The following GSK3B variants were observed in gnomAD, a reference collection of about 807,000 sequenced individuals.
GSK3B encodes the protein glycogen synthase kinase 3 beta.
Under a neutral mutation model 56.4 loss-of-function variants are expected in GSK3B, and 15 were observed. That is an observed-to-expected ratio of 0.27 (90% CI 0.18 to 0.41). The LOEUF is 0.41. Among genes scored for constraint, GSK3B ranks in the 10% least tolerant of loss-of-function variants. The pLI, the probability that GSK3B is intolerant of heterozygous loss-of-function variation, is 1.00. For synonymous variants in GSK3B, 181 were observed against 188.9 expected (o/e 0.96, Z 0.34); for missense variants, 300 against 513.4 (o/e 0.58, Z 4.02).
intron 2 of GSK3B, among the ~76,000 whole-genome samples, chr3:119,981,241 G>T (rs535188210): frequency 7.9e-5 from 12 of 152,300 alleles, no homozygotes; most frequent in Admixed American, 2.0e-4. Flanking sequence ...CAAGATGGCC[G>T]AATAGGAACA....
intron 7 of GSK3B, among the ~76,000 whole-genome samples, chr3:119,883,181 T>A (rs1378976867): frequency 6.6e-6 from 1 of 152,144 alleles, no homozygotes; most frequent in Non-Finnish European, 1.5e-5. Flanking sequence ...TACTGTATTT[T>A]AAATCTTAAC....
At chr3:119,881,215 C>G (rs1576170960) in intron 7 of GSK3B, among the ~76,000 whole-genome samples, 1 of 152,134 alleles carries the variant, frequency 6.6e-6, no homozygotes, top group Non-Finnish European at 1.5e-5. Flanking sequence ...TGAATGCACA[C>G]AACATGACTG....
chr3:119,879,884 G>A (rs1208135134), intron 7 of GSK3B, among the ~76,000 whole-genome samples: 1 of 151,988 alleles, frequency 6.6e-6, no homozygotes, highest in Non-Finnish European at 1.5e-5. Flanking sequence ...GAACACTTAG[G>A]TTGCTTCCAA....
chr3:119,865,462 A>ATTTTTT (rs2056167966), intron 8 of GSK3B, among the ~76,000 whole-genome samples: 1 of 27,124 alleles, frequency 3.7e-5, no homozygotes, highest in African/African-American at 1.0e-4. Context: ...ATATATATAT[A>ATTTTTT]TATATTTTTT....
intron 8 of GSK3B, among the ~76,000 whole-genome samples, chr3:119,873,591 T>C (rs2056273661): frequency 1.3e-5 from 2 of 152,138 alleles, no homozygotes. Flanking sequence ...ATTTCTCAAG[T>C]TGCTGTCCAC....
At chr3:119,876,208 C>A (rs977411152) in intron 8 of GSK3B, among the ~76,000 whole-genome samples, 3 of 152,018 alleles carry the variant, frequency 2.0e-5, no homozygotes, top group Admixed American at 6.6e-5. Context: ...AAATAAAAAA[C>A]CAGGCTAGAA....
At chr3:119,962,244 G>A (rs2057278978) in intron 2 of GSK3B, among the ~76,000 whole-genome samples, 1 of 151,964 alleles carries the variant, frequency 6.6e-6, no homozygotes, top group Non-Finnish European at 1.5e-5. Flanking sequence ...GCGTGGTGGT[G>A]CATACCTGTA....
intron 7 of GSK3B, among the ~76,000 whole-genome samples, chr3:119,894,051 C>T (rs1288166819): frequency 6.6e-6 from 1 of 152,058 alleles, no homozygotes; most frequent in African/African-American, 2.4e-5. Context: ...TCATTTCCCC[C>T]AGCTCCCCAG....
intron 1 of GSK3B, among the ~76,000 whole-genome samples, chr3:120,080,863 A>G (rs545665902): frequency 6.6e-6 from 1 of 151,866 alleles, no homozygotes; most frequent in South Asian, 2.1e-4. Flanking sequence ...CAGTTTCACA[A>G]CTCCCCCACA....
rs1266013135 is a variant in GSK3B, at chr3:120,094,051, T to TGGCGGC, written c.-623_-618dup. The TGGCGGC allele has an allele frequency of 1.0e-4, 23 of 220,912 alleles. No individual in the cohort carries two copies. Among genetic ancestry groups the TGGCGGC allele is most frequent in the South Asian group, 2.7e-4 (2 of 7,494 alleles). The allele number at this position is 220,912 out of a possible 1,614,324, so 13.7% of individuals were successfully genotyped here. ...GTCAGTCAGAGGCGGGCGGTGGCGG[T>TGGCGGC]GGCGGCGGCTCCTCTCCTCATTGCG... On this transcript the variant is annotated 5_prime_UTR_variant, in exon 1 of 11. Coordinates refer to ENST00000264235, the MANE Select transcript of GSK3B (RefSeq NM_001146156.2).
chr3:119,983,000 G>A (rs968645573), intron 2 of GSK3B, among the ~76,000 whole-genome samples: 2 of 152,222 alleles, frequency 1.3e-5, no homozygotes, highest in African/African-American at 4.8e-5. Flanking sequence ...CAGACTAACA[G>A]TGGATCTCTC....
intron 1 of GSK3B, among the ~76,000 whole-genome samples, chr3:120,004,891 G>A (rs1326547195): frequency 1.3e-5 from 2 of 152,028 alleles, no homozygotes; most frequent in South Asian, 2.1e-4. Flanking sequence ...ACAACTACTC[G>A]CCAGCAAGGG....
chr3:120,091,115 T>C (rs563998561), intron 1 of GSK3B, among the ~76,000 whole-genome samples: 2 of 152,220 alleles, frequency 1.3e-5, no homozygotes, highest in Non-Finnish European at 2.9e-5. Flanking sequence ...GAACAAATGA[T>C]TCAATTTGTA....
At chr3:120,010,378 G>C (rs1429188875) in intron 1 of GSK3B, among the ~76,000 whole-genome samples, 1 of 152,004 alleles carries the variant, frequency 6.6e-6, no homozygotes, top group Non-Finnish European at 1.5e-5. Flanking sequence ...CCTAAAAACA[G>C]AATCACAGTC....
intron 1 of GSK3B, among the ~76,000 whole-genome samples, chr3:120,053,788 G>C (rs1265323175): frequency 1.3e-5 from 2 of 152,134 alleles, no homozygotes; most frequent in East Asian, 3.8e-4. Flanking sequence ...GGTTTTATAA[G>C]GGGGAGTTTC....
chr3:119,840,845 A>G (rs2055761772), intron 10 of GSK3B, among the ~76,000 whole-genome samples: 1 of 152,228 alleles, frequency 6.6e-6, no homozygotes, highest in Non-Finnish European at 1.5e-5. Flanking sequence ...TATCTCTTTC[A>G]GTACCAAATC....
At chr3:119,828,032 G>C (rs2055542745) in intron 10 of GSK3B, among the ~76,000 whole-genome samples, 1 of 151,826 alleles carries the variant, frequency 6.6e-6, no homozygotes, top group African/African-American at 2.4e-5. Flanking sequence ...ACCCTGATAT[G>C]ATTATTACAC....
chr3:120,081,185 A>G lies in GSK3B; in HGVS notation c.88+12162T>C, dbSNP rs191981961. Among the ~76,000 whole-genome samples, 34 of 152,242 alleles carry G rather than the reference A, an allele frequency of 2.2e-4. No homozygotes were observed. The East Asian group carries it at 6.4e-3, about 29-fold the overall frequency. Reference sequence around the variant, plus strand: ...TTCAGAGCCACTCAGTGCTAAGCACACAGTGCAACAGAAGTGTCTGTATAC... The same window carrying G: ...TTCAGAGCCACTCAGTGCTAAGCACGCAGTGCAACAGAAGTGTCTGTATAC... On this transcript the variant is annotated intron_variant, in intron 1 of 10. Coordinates refer to ENST00000264235, the MANE Select transcript of GSK3B (RefSeq NM_001146156.2).
chr3:120,080,368 C>T (rs865949354), intron 1 of GSK3B, among the ~76,000 whole-genome samples: 11 of 149,672 alleles, frequency 7.3e-5, no homozygotes, highest in Middle Eastern at 3.6e-3. Flanking sequence ...AAGGAGAAGA[C>T]GACGACACTC....
Sources: allele counts gnomAD v4.1 joint callset (sites outside exome capture counted in the v4.1 genomes callset), GRCh38; gene constraint gnomAD v4.1.1; transcripts MANE v1.5; gene names NCBI Gene and HGNC (gene_info 2026-07-23, HGNC 2026-07-21).